SKIL: variants seen among roughly 807,000 people sequenced by gnomAD.
SKIL encodes the protein SKI like proto-oncogene.
Under a neutral mutation model 69.6 loss-of-function variants are expected in SKIL, and 20 were observed. The observed-to-expected ratio is 0.29, with a 90% CI of 0.20 to 0.42. The LOEUF (loss-of-function observed/expected upper bound fraction) is 0.42. SKIL is among the 10% of genes least tolerant of loss of function. SKIL has a pLI of 1.00. For synonymous variants in SKIL, 310 were observed against 279.9 expected (o/e 1.11, Z -1.08); for missense variants, 745 against 783.1 (o/e 0.95, Z 0.58).
Position 170,360,789 on chromosome 3 carries a change from C to A in SKIL, c.458C>A (p.Ser153Tyr). 1 of 1,614,170 alleles carries A rather than the reference C, an allele frequency of 6.2e-7. No homozygotes were observed. Among genetic ancestry groups the A allele is most frequent in the East Asian group, 2.2e-5 (1 of 44,886 alleles). The change falls in exon 2 of 7, where the codon TCT becomes TAT. Residue 153 changes from serine (S) to tyrosine (Y), a missense_variant. Physicochemically the swap from Ser to Tyr is moderately radical, Grantham distance 144. Transcript: ENST00000259119. ...ACTCAGACTGTGTTGGAAGGGGAATCTATTTCTTGTTTTCAAGTTGGAGGA... is the reference window on the plus strand; with the variant it reads ...ACTCAGACTGTGTTGGAAGGGGAATATATTTCTTGTTTTCAAGTTGGAGGA... ...ELTQTVLEGE[S>Y]ISCFQVGGEK...
intron 2 of SKIL, among the ~76,000 whole-genome samples, chr3:170,365,752 C>CTGTTTTTTTTTTTTTT (rs1736467976): frequency 9.4e-6 from 1 of 106,498 alleles, no homozygotes; most frequent in African/African-American, 4.0e-5. Flanking sequence ...TCAAACTAGG[C>CTGTTTTTTTTTTTTTT]TTTTTTTTTT....
chr3:170,382,413 A>ATTTTTTTTTTTTTTTTTTT (rs773770207), intron 3 of SKIL, among the ~76,000 whole-genome samples: 1 of 119,114 alleles, frequency 8.4e-6, no homozygotes, highest in Non-Finnish European at 1.8e-5. Flanking sequence ...TGCAACTTTG[A>ATTTTTTTTTTTTTTTTTTT]TTTTTTTTTT....
chr3:170,364,196 G>A (rs745673501), intron 2 of SKIL, among the ~76,000 whole-genome samples: 2 of 151,862 alleles, frequency 1.3e-5, no homozygotes, highest in Non-Finnish European at 2.9e-5. Flanking sequence ...CAGGCAATGC[G>A]CCTGTCTCTG....
At chr3:170,389,486 T>C (rs1737804752) in intron 4 of SKIL, among the ~76,000 whole-genome samples, 1 of 152,020 alleles carries the variant, frequency 6.6e-6, no homozygotes, top group African/African-American at 2.4e-5. Context: ...GCAAATTTTT[T>C]GTATTTTTTA....
At chr3:170,386,586 G>A in intron 4 of SKIL, among the ~76,000 whole-genome samples, 1 of 152,026 alleles carries the variant, frequency 6.6e-6, no homozygotes, top group Non-Finnish European at 1.5e-5. Context: ...TTGCACCTCA[G>A]CCTCCCTAGT....
chr3:170,384,636 A>T lies in SKIL; in HGVS notation c.1300A>T (p.Ile434Leu), dbSNP rs764862156. ...CACAAAGACAGAGGCAAGTAAGTCC[A>T]TATCAAGACAGTCAGAGAAGGCTCA... ...ELTKTEASKSISRQSEKAHSS... is the reference protein window; with the variant it reads ...ELTKTEASKSLSRQSEKAHSS... The change falls in exon 4 of 7, where the codon ATA (isoleucine) becomes TTA (leucine). Residue 434 changes from isoleucine to leucine, a missense_variant. Ile to Leu is a conservative substitution (Grantham distance 5, BLOSUM62 2). Transcript: ENST00000259119. 1.2e-6 allele frequency: 2 copies of T among 1,612,020 alleles called. No homozygotes were observed. The highest frequency in any genetic ancestry group is 2.2e-5 in the South Asian group (2 of 91,054).
intron 3 of SKIL, among the ~76,000 whole-genome samples, 178 bp downstream of exon 3, chr3:170,381,519 G>A (rs1376447561): frequency 6.6e-6 from 1 of 151,908 alleles, no homozygotes; most frequent in East Asian, 2.0e-4. Flanking sequence ...TGCAACCTCC[G>A]CCTCACGGGT....
intron 2 of SKIL, among the ~76,000 whole-genome samples, chr3:170,370,844 C>A (rs751244381): frequency 1.3e-5 from 2 of 151,928 alleles, no homozygotes. Context: ...ACTTGTGGGG[C>A]TGAGATGGGA....
intron 6 of SKIL, among the ~76,000 whole-genome samples, chr3:170,391,635 T>C (rs1246101802): frequency 6.6e-6 from 1 of 152,174 alleles, no homozygotes; most frequent in Non-Finnish European, 1.5e-5. Context: ...ACTTCTCTAA[T>C]AAAGGAATTA....
chr3:170,378,881 ATTTT>A (rs529886666), intron 2 of SKIL, among the ~76,000 whole-genome samples: 2,789 of 65,012 alleles, frequency 0.043, 78 homozygotes, highest in African/African-American at 0.13. Flanking sequence ...TTATTTATTT[ATTTT>A]TTTTATCTTG....
intron 2 of SKIL, among the ~76,000 whole-genome samples, chr3:170,380,923 G>A (rs1296775197): frequency 7.2e-5 from 11 of 151,958 alleles, no homozygotes; most frequent in Admixed American, 5.9e-4. Flanking sequence ...CAACTTCCTG[G>A]GCTCAAGGGA....
At chr3:170,367,463 CT>C (rs34321865) in intron 2 of SKIL, among the ~76,000 whole-genome samples, 5,998 of 68,574 alleles carry the variant, frequency 0.087, 150 homozygotes, top group South Asian at 0.27. Context: ...TATATATACC[CT>C]TTTTTTTTTT....
chr3:170,370,833 T>C (rs1460576402), intron 2 of SKIL, among the ~76,000 whole-genome samples: 1 of 152,112 alleles, frequency 6.6e-6, no homozygotes, highest in African/African-American at 2.4e-5. Context: ...TAGTCCCAAC[T>C]ACTTGTGGGG....
intron 2 of SKIL, among the ~76,000 whole-genome samples, chr3:170,366,502 A>G (rs1242064676): frequency 6.6e-6 from 1 of 152,038 alleles, no homozygotes. Flanking sequence ...CAATATGGTG[A>G]AACGCCATCT....
chr3:170,370,437 GAGCC>G (rs1329858146), intron 2 of SKIL, among the ~76,000 whole-genome samples: 8 of 24,830 alleles, frequency 3.2e-4, no homozygotes, highest in African/African-American at 6.7e-4. Context: ...GAGAGAGAGA[GAGCC>G]CCCCCCCCCC....
intron 3 of SKIL, among the ~76,000 whole-genome samples, chr3:170,382,278 T>G: frequency 6.6e-6 from 1 of 152,166 alleles, no homozygotes; most frequent in East Asian, 1.9e-4. Flanking sequence ...TAACCTTTAC[T>G]ATGTGTTTCT....
chr3:170,369,835 G>C (rs1458524514), intron 2 of SKIL, among the ~76,000 whole-genome samples: 1 of 152,136 alleles, frequency 6.6e-6, no homozygotes, highest in Non-Finnish European at 1.5e-5. Context: ...TCTGTATTTT[G>C]TTCACATATA....
At chr3:170,387,561 T>C (rs1211945114) in intron 4 of SKIL, among the ~76,000 whole-genome samples, 1 of 151,994 alleles carries the variant, frequency 6.6e-6, no homozygotes, top group Admixed American at 6.6e-5. Context: ...TATGTGAATA[T>C]ACCACATTTT....
At chr3:170,391,886 G>A (rs1577450351) in intron 6 of SKIL, among the ~76,000 whole-genome samples, 1 of 152,090 alleles carries the variant, frequency 6.6e-6, no homozygotes, top group South Asian at 2.1e-4. Flanking sequence ...TAACAAACAG[G>A]AACTGTTGCC....
Sources: allele counts gnomAD v4.1 joint callset (sites outside exome capture counted in the v4.1 genomes callset), GRCh38; gene constraint gnomAD v4.1.1; transcripts MANE v1.5; gene names NCBI Gene and HGNC (gene_info 2026-07-23, HGNC 2026-07-21).